Variants in PEX7 observed in about 807,000 individuals in gnomAD.
PEX7 encodes the protein PTS2 receptor.
PEX7 carries 34 observed loss-of-function variants against 47.5 expected under a neutral mutation model. The ratio of observed to expected loss-of-function variants is 0.72; its 90% confidence interval spans 0.54 to 0.95. The LOEUF (loss-of-function observed/expected upper bound fraction) is 0.95. Among genes scored for constraint, PEX7 ranks in the 40% least tolerant of loss-of-function variants. The pLI, the probability that PEX7 is intolerant of heterozygous loss-of-function variation, is 0.00. For synonymous variants in PEX7, 141 were observed against 148.8 expected, an observed-to-expected ratio of 0.95 and a Z score of 0.38; for missense variants, 394 against 400.3, an observed-to-expected ratio of 0.98 and a Z score of 0.13.
chr6:136,854,283 G>A (rs1254794445), intron 5 of PEX7, among the ~76,000 whole-genome samples: 4 of 151,998 alleles, frequency 2.6e-5, no homozygotes, highest in Non-Finnish European at 5.9e-5. Flanking sequence ...TGCAACCTCC[G>A]CCTCCCGGGT....
At position 136,872,258 on chromosome 6, in the gene PEX7, A is replaced by G. The variant is rs759078908; in HGVS notation, c.803+5A>G. ...CTCGTATGATTTTACTGTAAGGTACAGTGGTTTTTAATACATTTCATTGTG... is the reference window on the plus strand; with the variant it reads ...CTCGTATGATTTTACTGTAAGGTACGGTGGTTTTTAATACATTTCATTGTG... On this transcript the variant is annotated splice_donor_5th_base_variant and intron_variant, in intron 8 of 9. Coordinates refer to ENST00000318471, the MANE Select transcript of PEX7 (RefSeq NM_000288.4). 4.0e-5 allele frequency: 65 copies of G among 1,608,268 alleles called. No homozygotes were observed. Among genetic ancestry groups the G allele is most frequent in the Non-Finnish European group, 4.9e-5 (58 of 1,177,266 alleles).
Position 136,898,203 on chromosome 6 carries a change from A to G in PEX7, c.865A>G (p.Thr289Ala). 6.2e-7 allele frequency: 1 copy of G among 1,612,284 alleles called. No homozygotes were observed. The highest frequency in any genetic ancestry group is 8.5e-7 in the Non-Finnish European group (1 of 1,178,394). The change falls in exon 9 of 10, where the codon ACT becomes GCT. Residue 289 changes from threonine to alanine, a missense_variant. Transcript: ENST00000318471. ...AACAGTGGAGCATCATACAGAGTTT[A>G]CTTGTGGTTTAGACTTCAGTCTTCA... ...LETVEHHTEF[T>A]CGLDFSLQSP...
intron 6 of PEX7, among the ~76,000 whole-genome samples, chr6:136,868,327 T>C (rs1466294105): frequency 1.3e-5 from 2 of 152,212 alleles, no homozygotes; most frequent in African/African-American, 4.8e-5. Flanking sequence ...CCGTGACAAA[T>C]AGGTAAAATG....
At chr6:136,862,072 T>A (rs1016244878) in intron 5 of PEX7, among the ~76,000 whole-genome samples, 5 of 138,112 alleles carry the variant, frequency 3.6e-5, no homozygotes, top group African/African-American at 1.3e-4. Flanking sequence ...ATATATATAG[T>A]TTTTTTTTTG....
chr6:136,879,617 G>C (rs969848911), intron 8 of PEX7, among the ~76,000 whole-genome samples: 1 of 151,950 alleles, frequency 6.6e-6, no homozygotes, highest in Non-Finnish European at 1.5e-5. Flanking sequence ...CTTGCTGCAG[G>C]CTCAGTGAGC....
rs573154184 is a variant in PEX7 at position 136,907,213 on chromosome 6, C to G, written c.904-6245C>G. ...TAAATATCTTGAGTGCTCGGAAATACACAGTGGATTAATGTCAACCACCTG... is the reference window on the plus strand; with the variant it reads ...TAAATATCTTGAGTGCTCGGAAATAGACAGTGGATTAATGTCAACCACCTG... On this transcript the variant is annotated intron_variant, in intron 9 of 9. Coordinates refer to ENST00000318471, the MANE Select transcript of PEX7 (RefSeq NM_000288.4). 2.6e-4 allele frequency among the ~76,000 whole-genome samples: 40 copies of G among 152,250 alleles called. 1 individual carries two copies. Among genetic ancestry groups the G allele is most frequent in the South Asian group, 1.5e-3 (7 of 4,826 alleles).
rs575752111 is a variant in PEX7, at chr6:136,846,911, C to T, written c.526+730C>T. On this transcript the variant is annotated intron_variant, in intron 5 of 9. Coordinates refer to ENST00000318471, the MANE Select transcript of PEX7 (RefSeq NM_000288.4). ...TTCTAGTTCTAGATCCTTGAGGAAT[C>T]GCCACACTGTCTTCCACAATGGTTG... is the stretch of plus-strand genomic sequence containing the variant. 2.6e-5 allele frequency among the ~76,000 whole-genome samples: 4 copies of T among 152,250 alleles called. No individual in the cohort carries two copies. In the South Asian group the frequency reaches 8.3e-4, roughly 32 times the overall value.
intron 9 of PEX7, 43 bp downstream of exon 9, chr6:136,898,284 A>G: frequency 8.6e-7 from 1 of 1,158,790 alleles, no homozygotes; most frequent in African/African-American, 1.5e-5. Context: ...GCCCAAGTTC[A>G]CAGCCAACTC....
At position 136,822,648 on chromosome 6, in the gene PEX7, C is replaced by T. The variant is rs991168664; in HGVS notation, c.-18C>T. 28 of 1,525,200 alleles carry T rather than the reference C, an allele frequency of 1.8e-5. No individual in the cohort carries two copies. The African/African-American group carries it at 2.8e-4, about 15-fold the overall frequency. 94.5% of individuals were successfully genotyped at this position (1,525,200 alleles called of 1,614,324 possible). A position where few individuals can be genotyped will look rare whatever the true frequency, so the allele number is the denominator to read the frequency against. ...GCTTCCGCGGCCGGGGCAGCGAGGGCCGGGGGCGGCGGGCGGGATGAGTGC... is the reference window on the plus strand; with the variant it reads ...GCTTCCGCGGCCGGGGCAGCGAGGGTCGGGGGCGGCGGGCGGGATGAGTGC... On this transcript the variant is annotated 5_prime_UTR_variant, in exon 1 of 10. Coordinates refer to ENST00000318471, the MANE Select transcript of PEX7 (RefSeq NM_000288.4).
At position 136,849,771 on chromosome 6, in the gene PEX7, A is replaced by G. The variant is rs529535914; in HGVS notation, c.526+3590A>G. On this transcript the variant is annotated intron_variant, in intron 5 of 9. Transcript: ENST00000318471. ...ATTTGCTGAGGAGTGCTTTGCTTCC[A>G]AGTATGTGGTCAGTTTTGGAATAAG... Among the ~76,000 whole-genome samples the G allele has an allele frequency of 3.9e-5, 6 of 152,304 alleles. 1 individual carries two copies. In the South Asian group the frequency reaches 1.2e-3, roughly 32 times the overall value.
chr6:136,909,787 C>CTTGA (rs1327763193), intron 9 of PEX7, among the ~76,000 whole-genome samples: 3 of 152,058 alleles, frequency 2.0e-5, no homozygotes, highest in Non-Finnish European at 4.4e-5. Flanking sequence ...AATCAGTGGC[C>CTTGA]TTGACATTTG....
chr6:136,877,214 GCC>G (rs1775291863), intron 8 of PEX7, among the ~76,000 whole-genome samples: 1 of 150,742 alleles, frequency 6.6e-6, no homozygotes, highest in Admixed American at 6.6e-5. Context: ...CTGGATATTA[GCC>G]CCTTGTGAGA....
intron 3 of PEX7, among the ~76,000 whole-genome samples, chr6:136,828,601 C>T (rs1041779837): frequency 6.6e-6 from 1 of 152,232 alleles, no homozygotes; most frequent in Non-Finnish European, 1.5e-5. Flanking sequence ...ATTTCATTGT[C>T]CTGTCCTCAG....
intron 9 of PEX7, among the ~76,000 whole-genome samples, chr6:136,907,551 C>G (rs759835775): frequency 1.7e-4 from 26 of 151,684 alleles, no homozygotes; most frequent in African/African-American, 6.3e-4. Flanking sequence ...CTAAAGAGGC[C>G]ATGTGTCATA....
rs766704570 is a variant in PEX7 at position 136,826,347 on chromosome 6, G to A, written c.217G>A (p.Val73Met). Residue 73 changes from valine to methionine, a missense_variant, in exon 3 of 10, where the codon GTG becomes ATG. Val to Met is a conservative substitution (Grantham distance 21). Transcript: ENST00000318471. The stretch of plus-strand genomic sequence containing the variant: ...TGACTGGAATGATGGTTTGTTTGAT[G>A]TGACTTGGAGTGAGAACAACGAACA... ...SFDWNDGLFD[V>M]TWSENNEHVL... 6.2e-7 allele frequency: 1 copy of A among 1,613,960 alleles called. No homozygotes were observed. The highest frequency in any genetic ancestry group is 8.5e-7 in the Non-Finnish European group (1 of 1,180,020).
At chr6:136,899,483 AT>A (rs1775715461) in intron 9 of PEX7, among the ~76,000 whole-genome samples, 1 of 152,124 alleles carries the variant, frequency 6.6e-6, no homozygotes, top group African/African-American at 2.4e-5. Flanking sequence ...ACCTCAAGTG[AT>A]CCACCTGCTT....
At chr6:136,856,793 C>T (rs141735900) in intron 5 of PEX7, among the ~76,000 whole-genome samples, 1 of 152,294 alleles carries the variant, frequency 6.6e-6, no homozygotes, top group East Asian at 1.9e-4. Flanking sequence ...CCAGTATTCA[C>T]TAAATTGGCT....
intron 9 of PEX7, among the ~76,000 whole-genome samples, chr6:136,903,314 A>G (rs1334739151): frequency 1.3e-5 from 2 of 150,814 alleles, no homozygotes; most frequent in Non-Finnish European, 3.0e-5. Flanking sequence ...AAGTTTGGGT[A>G]AACAATCTTT....
intron 1 of PEX7, among the ~76,000 whole-genome samples, chr6:136,824,326 C>A (rs1332085660): frequency 6.6e-6 from 1 of 152,086 alleles, no homozygotes; most frequent in African/African-American, 2.4e-5. Context: ...TCAACCTCAC[C>A]AGTAGCTGGG....
Sources: gnomAD v4.1 joint callset for allele counts (sites outside exome capture counted in the v4.1 genomes callset) on GRCh38, gnomAD v4.1.1 for gene constraint, MANE v1.5 for transcripts, NCBI Gene and HGNC (gene_info 2026-07-23, HGNC 2026-07-21) for gene names.